The following STK39 variants were observed in gnomAD, a reference collection of about 807,000 sequenced individuals.
The protein encoded by STK39 is STE20/SPS1-related proline-alanine-rich protein kinase.
A neutral mutation model predicts 77.8 loss-of-function variants in STK39; 20 were observed. The ratio of observed to expected loss-of-function variants is 0.26; its 90% CI spans 0.18 to 0.37. The LOEUF is 0.37. Among genes scored for constraint, STK39 ranks in the 10% least tolerant of loss-of-function variants. STK39 has a pLI of 1.00. For synonymous variants in STK39, 246 were observed against 234.1 expected (o/e 1.05, Z -0.47); for missense variants, 479 against 656.5 (o/e 0.73, Z 2.95).
chr2:168,247,250 C>G lies in STK39; in HGVS notation c.186G>C (p.Ala62=). 8.8e-7 allele frequency: 1 copy of G among 1,141,310 alleles called. No individual in the cohort carries two copies. The highest frequency in any genetic ancestry group is 1.1e-6 in the Non-Finnish European group (1 of 930,900). 70.7% of individuals were successfully genotyped at this position (1,141,310 alleles called of 1,614,324 possible). A position where few individuals can be genotyped will look rare whatever the true frequency, so the allele number is the denominator to read the frequency against. ...QAVGWPICRD[A]YELQEVIGSG... ...GACCGATAACCTCCTGCAGCTCGTA[C>G]GCGTCCCTGCAGATGGGCCAGCCGA... The change falls in exon 1 of 18, where the codon GCG becomes GCC. Residue 62 remains alanine (A), a synonymous_variant. Transcript: ENST00000355999.
intron 14 of STK39, among the ~76,000 whole-genome samples, chr2:168,047,779 T>C (rs981971112): frequency 1.3e-5 from 2 of 152,180 alleles, no homozygotes; most frequent in East Asian, 1.9e-4. Flanking sequence ...AGCCCTCCAA[T>C]GCTTTTATGA....
rs542073949 is a variant in STK39, at chr2:168,083,228, C to CTT, written c.1090-7999_1090-7998dup. Among the ~76,000 whole-genome samples, 638 of 138,494 alleles carry CTT rather than the reference C, an allele frequency of 4.6e-3. 6 individuals are homozygous for CTT. Among genetic ancestry groups the CTT allele is most frequent in the African/African-American group, 0.016 (594 of 37,876 alleles). 90.9% of individuals were successfully genotyped at this position (138,494 alleles called of 152,430 possible). ...GCCTGATCTGCCCTTCCACATTCTC[C>CTT]TTTTTTTTTTTTTTTTTAAGCTAAG... On this transcript the variant is annotated intron_variant, in intron 10 of 17. Transcript: ENST00000355999.
chr2:168,002,466 T>C (rs1428912650), intron 16 of STK39, among the ~76,000 whole-genome samples: 2 of 152,220 alleles, frequency 1.3e-5, no homozygotes, highest in Non-Finnish European at 2.9e-5. Context: ...GGAGAGCTGG[T>C]CATTCTATGT....
chr2:168,008,142 G>A (rs186811970), intron 16 of STK39, among the ~76,000 whole-genome samples: 2 of 152,252 alleles, frequency 1.3e-5, no homozygotes, highest in Admixed American at 6.5e-5. Flanking sequence ...CACACCATAT[G>A]TGGCCTTTTG....
chr2:168,004,890 G>A (rs1170939177), intron 16 of STK39, among the ~76,000 whole-genome samples: 2 of 151,234 alleles, frequency 1.3e-5, no homozygotes, highest in Non-Finnish European at 2.9e-5. Context: ...ACCCAGAAAC[G>A]TGCATTTTTA....
At position 168,084,817 on chromosome 2, in the gene STK39, A is replaced by G. The variant is rs187499308; in HGVS notation, c.1090-9586T>C. Among the ~76,000 whole-genome samples, 355 of 152,344 alleles carry G rather than the reference A, an allele frequency of 2.3e-3. 2 individuals carry two copies. The highest frequency in any genetic ancestry group is 3.8e-3 in the Non-Finnish European group (259 of 68,036). ...GCCAAGAAATGGTTTCAGAGCAAAA[A>G]TCAAACCCAGGGTGAAACTGCACAA... On this transcript the variant is annotated intron_variant, in intron 10 of 17. Coordinates refer to ENST00000355999, the MANE Select transcript of STK39 (RefSeq NM_013233.3).
chr2:168,146,373 G>T (rs1403451844), intron 5 of STK39, among the ~76,000 whole-genome samples: 1 of 152,166 alleles, frequency 6.6e-6, no homozygotes, highest in Non-Finnish European at 1.5e-5. Context: ...AGGAACCTGA[G>T]TTGTGCATGA....
In STK39 at chr2:168,247,257, C is replaced by T; in HGVS notation, c.179G>A (p.Arg60Lys). The change falls in exon 1 of 18, where the codon AGG (arginine) becomes AAG (lysine). Residue 60 changes from arginine to lysine, a missense_variant. Around this residue, in one of 3 missense-constraint regions of STK39, gnomAD observed 96 missense variants for 79.1 expected, o/e 1.21. Coordinates refer to ENST00000355999, the MANE Select transcript of STK39 (RefSeq NM_013233.3). ...AACCTCCTGCAGCTCGTACGCGTCCCTGCAGATGGGCCAGCCGACAGCCTG... is the reference window on the plus strand; with the variant it reads ...AACCTCCTGCAGCTCGTACGCGTCCTTGCAGATGGGCCAGCCGACAGCCTG... ...AAQAVGWPIC[R>K]DAYELQEVIG... The T allele has an allele frequency of 8.9e-7, 1 of 1,124,804 alleles. No homozygotes were observed. Among genetic ancestry groups the T allele is most frequent in the South Asian group, 3.7e-5 (1 of 27,206 alleles). The allele number at this position is 1,124,804 out of a possible 1,614,324, so 69.7% of individuals were successfully genotyped here. A position where few individuals can be genotyped will look rare whatever the true frequency, so the allele number is the denominator to read the frequency against.
At chr2:168,144,759 T>C (rs145980584) in intron 5 of STK39, among the ~76,000 whole-genome samples, 157 of 152,238 alleles carry the variant, frequency 1.0e-3, no homozygotes, top group South Asian at 5.6e-3. Context: ...ATAAATATTT[T>C]ACAGTGGCAG....
chr2:168,226,940 T>C (rs948002393), intron 1 of STK39, among the ~76,000 whole-genome samples: 5 of 152,172 alleles, frequency 3.3e-5, no homozygotes, highest in Non-Finnish European at 7.3e-5. Context: ...GCTGCACTCA[T>C]AGAATAGCAA....
chr2:168,235,317 C>T (rs963411002), intron 1 of STK39, among the ~76,000 whole-genome samples: 14 of 151,644 alleles, frequency 9.2e-5, no homozygotes, highest in East Asian at 1.9e-4. Context: ...GGACTACAGG[C>T]GTCCCTGAGC....
intron 16 of STK39, among the ~76,000 whole-genome samples, chr2:167,983,263 T>C (rs1342660978): frequency 6.6e-6 from 1 of 151,958 alleles, no homozygotes; most frequent in East Asian, 1.9e-4. Context: ...GTGGATCACC[T>C]GAGGTCAGAA....
intron 1 of STK39, among the ~76,000 whole-genome samples, chr2:168,239,580 G>T (rs576818754): frequency 2.8e-4 from 43 of 152,304 alleles, no homozygotes; most frequent in African/African-American, 1.0e-3. Context: ...ATTAACCACG[G>T]GCAAGATCAA....
rs1574499000 is a variant in STK39 at position 168,143,369 on chromosome 2, C to T, written c.629-2611G>A. Among the ~76,000 whole-genome samples, 5 of 152,224 alleles carry T rather than the reference C, an allele frequency of 3.3e-5. No homozygotes were observed. In the South Asian group the frequency reaches 1.0e-3, roughly 32 times the overall value. On this transcript the variant is annotated intron_variant, in intron 5 of 17. Coordinates refer to ENST00000355999, the MANE Select transcript of STK39 (RefSeq NM_013233.3). ...TCCCATCTCCCTTCTTTCCCCAGAT[C>T]CAGGCTCCAGCAACCAGGCCTTTCT...
chr2:168,041,160 T>C lies in STK39; in HGVS notation c.1376+22340A>G, dbSNP rs536053941. ...GTGTTTTTAACAAGTTTAACATTAA[T>C]ATGCTAAAACTAATATTATTGCTGG... On this transcript the variant is annotated intron_variant, in intron 14 of 17. Coordinates refer to ENST00000355999, the MANE Select transcript of STK39 (RefSeq NM_013233.3). 4.2e-4 allele frequency among the ~76,000 whole-genome samples: 64 copies of C among 152,192 alleles called. 1 individual carries two copies. Among genetic ancestry groups the C allele is most frequent in the African/African-American group, 1.5e-3 (62 of 41,534 alleles).
In STK39 at chr2:168,063,115, G is replaced by A. The variant is rs551579375; in HGVS notation, c.1376+385C>T. On this transcript the variant is annotated intron_variant, in intron 14 of 17. Transcript: ENST00000355999. ...TCTGAACAGGCAACCTGTAGTACAA[G>A]CATGGTTTATTTCTGTCAGAGACCG... is the stretch of plus-strand genomic sequence containing the variant. Among the ~76,000 whole-genome samples, 6 of 152,028 alleles carry A rather than the reference G, an allele frequency of 3.9e-5. No homozygotes were observed. In the East Asian group the frequency reaches 1.2e-3, roughly 29 times the overall value.
chr2:168,040,256 G>A (rs1183017546), intron 14 of STK39, among the ~76,000 whole-genome samples: 1 of 151,968 alleles, frequency 6.6e-6, no homozygotes, highest in Non-Finnish European at 1.5e-5. Flanking sequence ...AAAAAATAAA[G>A]GAAGAAAAAA....
At chr2:168,228,030 A>C (rs1385587410) in intron 1 of STK39, among the ~76,000 whole-genome samples, 1 of 152,190 alleles carries the variant, frequency 6.6e-6, no homozygotes, top group African/African-American at 2.4e-5. Context: ...TAGAAGACAA[A>C]AGGCAAAGTA....
At chr2:168,112,041 G>T (rs987216089) in intron 10 of STK39, among the ~76,000 whole-genome samples, 2 of 151,792 alleles carry the variant, frequency 1.3e-5, no homozygotes, top group Non-Finnish European at 2.9e-5. Context: ...GACCAATTAG[G>T]ATGGTCCCTG....
Sources: gnomAD v4.1 joint callset for allele counts (sites outside exome capture counted in the v4.1 genomes callset) on GRCh38, gnomAD v4.1.1 for gene constraint, gnomAD v4.1.1 regional missense constraint, MANE v1.5 for transcripts, NCBI Gene and HGNC (gene_info 2026-07-23, HGNC 2026-07-21) for gene names.